Variants in SYNRG observed in about 807,000 individuals in gnomAD.
The protein encoded by SYNRG is synergin gamma.
SYNRG carries 37 observed loss-of-function variants against 130.9 expected under a neutral mutation model. The ratio of observed to expected loss-of-function variants is 0.28; its 90% confidence interval spans 0.22 to 0.37. The LOEUF is 0.37. Ranked by LOEUF, SYNRG falls within the 10% of genes least tolerant of loss-of-function variation. The pLI, the probability that SYNRG is intolerant of heterozygous loss-of-function variation, is 1.00. For synonymous variants in SYNRG, 539 were observed against 568.1 expected, an observed-to-expected ratio of 0.95 and a Z score of 0.73; for missense variants, 1,338 against 1,588.9, an observed-to-expected ratio of 0.84 and a Z score of 2.68.
At chr17:37,528,634 C>A (rs78733296) in intron 19 of SYNRG, among the ~76,000 whole-genome samples, 8 of 152,176 alleles carry the variant, frequency 5.3e-5, no homozygotes, top group African/African-American at 1.9e-4. Context: ...CCACTTTGAG[C>A]GTCTAATCCA....
At chr17:37,577,275 T>C (rs1195183902) in intron 7 of SYNRG, 105 bp downstream of exon 7, 1 of 1,081,986 alleles carries the variant, frequency 9.2e-7, no homozygotes, top group Non-Finnish European at 1.4e-6. Context: ...AAAATTTCGA[T>C]TAGCAAAATC....
At chr17:37,541,911 A>G in intron 15 of SYNRG, 61 bp downstream of exon 15, 1 of 1,432,460 alleles carries the variant, frequency 7.0e-7, no homozygotes. Flanking sequence ...ATTCTTAAGA[A>G]CATCTAACAT....
At chr17:37,589,574 T>A (rs899446284) in intron 3 of SYNRG, among the ~76,000 whole-genome samples, 11 of 151,042 alleles carry the variant, frequency 7.3e-5, no homozygotes, top group Non-Finnish European at 1.3e-4. Context: ...CACGATGAAA[T>A]CCCATCTCTA....
At chr17:37,589,467 A>G (rs1245694056) in intron 3 of SYNRG, among the ~76,000 whole-genome samples, 7 of 152,152 alleles carry the variant, frequency 4.6e-5, no homozygotes, top group Admixed American at 4.6e-4. Context: ...TGGGCTATTT[A>G]GGGCCGGGCG....
At chr17:37,595,927 G>C (rs1187980909) in intron 3 of SYNRG, among the ~76,000 whole-genome samples, 2 of 152,024 alleles carry the variant, frequency 1.3e-5, no homozygotes, top group East Asian at 3.9e-4. Context: ...GGTAATTTTT[G>C]TATTTTTAGT....
intron 1 of SYNRG, among the ~76,000 whole-genome samples, chr17:37,601,711 T>C (rs1051424671): frequency 2.0e-5 from 3 of 151,976 alleles, no homozygotes; most frequent in Non-Finnish European, 4.4e-5. Context: ...GTCGTCCAGG[T>C]TGGAGTGTGA....
At chr17:37,589,653 G>A (rs1347397569) in intron 3 of SYNRG, among the ~76,000 whole-genome samples, 2 of 151,968 alleles carry the variant, frequency 1.3e-5, no homozygotes. Flanking sequence ...GGAGGCTGAG[G>A]CAGGAGAACG....
Position 37,609,334 on chromosome 17 carries a change from C to G in SYNRG, c.22G>C (p.Gly8Arg). The stretch of plus-strand genomic sequence containing the variant: ...CCCGCGGCCCCGCCGCCACCAGAAC[C>G]AGCTCCTGGCCGCAGCGCCATCTTG... MALRPGA[G>R]SGGGGAAGAG... Residue 8 changes from glycine to arginine, a missense_variant, in exon 1 of 22, where the codon GGT (glycine) becomes CGT (arginine). Coordinates refer to ENST00000612223, the MANE Select transcript of SYNRG (RefSeq NM_007247.6). 6.8e-7 allele frequency: 1 copy of G among 1,465,088 alleles called. No individual in the cohort carries two copies. The highest frequency in any genetic ancestry group is 9.0e-7 in the Non-Finnish European group (1 of 1,115,052). The allele number at this position is 1,465,088 out of a possible 1,614,324, so 90.8% of individuals were successfully genotyped here. A position where few individuals can be genotyped will look rare whatever the true frequency, so the allele number is the denominator to read the frequency against.
intron 21 of SYNRG, among the ~76,000 whole-genome samples, chr17:37,519,725 G>C (rs542995985): frequency 6.6e-6 from 1 of 152,198 alleles, no homozygotes; most frequent in South Asian, 2.1e-4. Flanking sequence ...GTAAGCTACA[G>C]TCAGCCATGG....
Position 37,553,525 on chromosome 17 carries a change from T to C in SYNRG, c.2198A>G (p.Lys733Arg). Residue 733 changes from lysine (K) to arginine (R), a missense_variant, in exon 14 of 22, where the codon AAG (lysine) becomes AGG (arginine). Transcript: ENST00000612223. Reference sequence around the variant, plus strand: ...CGCAGCAGTCGAGTTTTGTCCACCCTTCACTGTGCTGCCCACGTTGCTGGT... The same window carrying C: ...CGCAGCAGTCGAGTTTTGTCCACCCCTCACTGTGCTGCCCACGTTGCTGGT... Reference protein sequence around the residue: ...PLTSNVGSTVKGGQNSTAAST... With the variant: ...PLTSNVGSTVRGGQNSTAAST... 6.2e-7 allele frequency: 1 copy of C among 1,614,226 alleles called. No individual in the cohort carries two copies. The highest frequency in any genetic ancestry group is 8.5e-7 in the Non-Finnish European group (1 of 1,180,034).
chr17:37,538,593 T>G (rs921107322), intron 17 of SYNRG, among the ~76,000 whole-genome samples, 173 bp from the exon 18 acceptor site: 5 of 152,250 alleles, frequency 3.3e-5, no homozygotes, highest in African/African-American at 1.2e-4. Flanking sequence ...TTTTTCCTTT[T>G]GTTTTGTTTT....
At chr17:37,536,422 G>T in intron 18 of SYNRG, 1 of 382,874 alleles carries the variant, frequency 2.6e-6, no homozygotes, top group Non-Finnish European at 4.6e-6. Context: ...CTGTGAAGTT[G>T]GGATGGTAAC....
chr17:37,609,210 A>C, intron 1 of SYNRG, 69 bp downstream of exon 1: 2 of 1,363,974 alleles, frequency 1.5e-6, no homozygotes, highest in Non-Finnish European at 1.9e-6. Context: ...GAAAACTGCC[A>C]TAACTGCCAA....
At chr17:37,534,348 T>TTATC (rs978961696) in intron 19 of SYNRG, among the ~76,000 whole-genome samples, 12 of 152,044 alleles carry the variant, frequency 7.9e-5, no homozygotes, top group African/African-American at 2.2e-4. Flanking sequence ...AAATATTTTT[T>TTATC]TATCTATCTA....
intron 13 of SYNRG, among the ~76,000 whole-genome samples, chr17:37,560,691 G>A (rs111974982): frequency 1.4e-5 from 2 of 140,422 alleles, no homozygotes; most frequent in African/African-American, 5.4e-5. Flanking sequence ...TTTTTGAGAT[G>A]GAGTCTTGCT....
intron 14 of SYNRG, among the ~76,000 whole-genome samples, chr17:37,543,250 A>G (rs1420921380): frequency 1.3e-5 from 2 of 152,204 alleles, no homozygotes; most frequent in Non-Finnish European, 2.9e-5. Context: ...CCCTTAAAAA[A>G]ATACAATAAA....
At chr17:37,562,224 G>A (rs111964177) in intron 11 of SYNRG, among the ~76,000 whole-genome samples, 2 of 152,272 alleles carry the variant, frequency 1.3e-5, no homozygotes, top group African/African-American at 4.8e-5. Context: ...TCACATCAGC[G>A]GTTCTAGAAG....
chr17:37,517,214 C>CA lies in SYNRG; in HGVS notation c.*1725dup, dbSNP rs1040646641. 2.9e-4 allele frequency: 43 copies of CA among 150,524 alleles called. No individual in the cohort carries two copies. Among genetic ancestry groups the CA allele is most frequent in the Non-Finnish European group, 4.3e-4 (29 of 67,996 alleles). The allele number at this position is 150,524 out of a possible 1,614,324, so 9.3% of individuals were successfully genotyped here. On this transcript the variant is annotated 3_prime_UTR_variant, in exon 22 of 22. Coordinates refer to ENST00000612223, the MANE Select transcript of SYNRG (RefSeq NM_007247.6). ...GGGCAACAAGAGTGAAACTCCATCT[C>CA]AAAAAAAAACAAAGAATTTTTAAGG...
intron 1 of SYNRG, among the ~76,000 whole-genome samples, chr17:37,602,062 G>A (rs183042376): frequency 7.9e-5 from 12 of 152,174 alleles, no homozygotes; most frequent in African/African-American, 2.4e-4. Flanking sequence ...CTGGCCAGGC[G>A]CAGTGGCTCA....
Sources: allele counts gnomAD v4.1 joint callset (sites outside exome capture counted in the v4.1 genomes callset), GRCh38; gene constraint gnomAD v4.1.1; transcripts MANE v1.5; gene names NCBI Gene and HGNC (gene_info 2026-07-23, HGNC 2026-07-21).